Variants in ZNF766 observed in about 807,000 individuals in gnomAD.
The protein encoded by ZNF766 is zinc finger protein 766.
A neutral mutation model predicts 13.2 loss-of-function variants in ZNF766; 13 were observed. That is an observed-to-expected ratio of 0.98 (90% CI 0.64 to 1.56). The LOEUF is 1.56. Among genes scored for constraint, ZNF766 ranks in the 40% most tolerant of loss-of-function variants. The probability of loss-of-function intolerance (pLI) is 0.00; values close to 1 mark genes in which losing one functional copy is unlikely to be tolerated. For synonymous variants in ZNF766, 178 were observed against 187.6 expected, an observed-to-expected ratio of 0.95 and a Z score of 0.42; for missense variants, 521 against 552.2, an observed-to-expected ratio of 0.94 and a Z score of 0.57.
At position 52,276,032 on chromosome 19, in the gene ZNF766, G is replaced by A. The variant is rs976968369; in HGVS notation, c.19-6079G>A. ...ATGTTTTGACTTACGAGTACTTACCGTTGTTACAGTTGACTATAGTATTCA... is the reference window on the plus strand; with the variant it reads ...ATGTTTTGACTTACGAGTACTTACCATTGTTACAGTTGACTATAGTATTCA... On this transcript the variant is annotated intron_variant, in intron 1 of 3. Coordinates refer to ENST00000439461, the MANE Select transcript of ZNF766 (RefSeq NM_001010851.3). Among the ~76,000 whole-genome samples, 9 of 152,106 alleles carry A rather than the reference G, an allele frequency of 5.9e-5. No homozygotes were observed. In the East Asian group the frequency reaches 1.3e-3, roughly 23 times the overall value.
chr19:52,277,742 G>T (rs918023383), intron 1 of ZNF766, among the ~76,000 whole-genome samples: 6 of 151,994 alleles, frequency 3.9e-5, no homozygotes, highest in Non-Finnish European at 5.9e-5. Flanking sequence ...GGAAGAGGCT[G>T]CACTGGGCGT....
intron 1 of ZNF766, among the ~76,000 whole-genome samples, chr19:52,273,395 A>AAT (rs1380724407): frequency 1.3e-5 from 2 of 152,188 alleles, no homozygotes; most frequent in Admixed American, 1.3e-4. Flanking sequence ...CTTTGGAGGT[A>AAT]TGGGAGAGAA....
chr19:52,273,390 G>A (rs1393615473), intron 1 of ZNF766, among the ~76,000 whole-genome samples: 2 of 152,140 alleles, frequency 1.3e-5, no homozygotes, highest in Non-Finnish European at 2.9e-5. Flanking sequence ...AAATTCTTTG[G>A]AGGTATGGGA....
chr19:52,288,021 C>CT, intron 3 of ZNF766: 1 of 423,192 alleles, frequency 2.4e-6, no homozygotes, highest in Non-Finnish European at 4.6e-6. Context: ...TCATTTTTTT[C>CT]TTTTTCTTTT....
chr19:52,288,548 AT>A lies in ZNF766; in HGVS notation c.275-1514del, dbSNP rs1043928546. On this transcript the variant is annotated intron_variant, in intron 3 of 3. Coordinates refer to ENST00000439461, the MANE Select transcript of ZNF766 (RefSeq NM_001010851.3). Reference sequence around the variant, plus strand: ...GTGCCTCACTAATTAAAACTAATTTATTTTATTTTATTTATTTATTTTGTTT... The same window carrying A: ...GTGCCTCACTAATTAAAACTAATTTATTTATTTTATTTATTTATTTTGTTT... Among the ~76,000 whole-genome samples the A allele has an allele frequency of 8.3e-4, 126 of 151,706 alleles. 1 individual carries two copies. Among genetic ancestry groups the A allele is most frequent in the African/African-American group, 2.6e-3 (109 of 41,408 alleles).
chr19:52,288,062 C>T, intron 3 of ZNF766: 3 of 406,784 alleles, frequency 7.4e-6, no homozygotes, highest in Non-Finnish European at 1.4e-5. Context: ...GTTCTGTCGC[C>T]CAGGCTGGAG....
intron 3 of ZNF766, 35 bp downstream of exon 3, chr19:52,283,448 T>C (rs1265555244): frequency 3.2e-5 from 6 of 188,006 alleles, no homozygotes; most frequent in Middle Eastern, 1.2e-3. Flanking sequence ...AAAGCCACAC[T>C]TTTTTTTTTT....
At chr19:52,289,695 C>A (rs984381211) in intron 3 of ZNF766, among the ~76,000 whole-genome samples, 1 of 152,088 alleles carries the variant, frequency 6.6e-6, no homozygotes, top group Non-Finnish European at 1.5e-5. Context: ...TCCAGTTCCT[C>A]CATCAGGGTC....
rs1982270298 is a variant in ZNF766 at position 52,294,463 on chromosome 19, C to G, written c.*3265C>G. 6.6e-6 allele frequency: 1 copy of G among 152,186 alleles called. No homozygotes were observed. Among genetic ancestry groups the G allele is most frequent in the Non-Finnish European group, 1.5e-5 (1 of 68,050 alleles). The allele number at this position is 152,186 out of a possible 1,614,324, so 9.4% of individuals were successfully genotyped here. A position where few individuals can be genotyped will look rare whatever the true frequency, so the allele number is the denominator to read the frequency against. On this transcript the variant is annotated 3_prime_UTR_variant, in exon 4 of 4. Transcript: ENST00000439461. ...AATGTTTACTCCATAATGAGGCTTT[C>G]TGGGGAGAGCAGGGTAGACTTCCCC...
intron 1 of ZNF766, chr19:52,277,147 C>T: frequency 9.3e-7 from 1 of 1,070,180 alleles, no homozygotes; most frequent in Non-Finnish European, 1.1e-6. Context: ...ATATTTTTGA[C>T]ATTCAGGATT....
intron 1 of ZNF766, chr19:52,277,629 A>C: frequency 7.1e-7 from 1 of 1,401,674 alleles, no homozygotes. Flanking sequence ...TCTGAGTCTG[A>C]AGCATCCTGC....
At position 52,283,397 on chromosome 19, in the gene ZNF766, C is replaced by T. The variant is rs775553037; in HGVS notation, c.258C>T (p.Ile86=). 1 of 1,592,338 alleles carries T rather than the reference C, an allele frequency of 6.3e-7. No individual in the cohort carries two copies. Among genetic ancestry groups the T allele is most frequent in the South Asian group, 1.1e-5 (1 of 89,578 alleles). ...VAKNPDRWEG[I]KDINTGRSCA... ...AAAATCCAGATAGGTGGGAAGGTAT[C>T]AAAGATATCAACACAGGTAAGAGCT... The change falls in exon 3 of 4, where the codon ATC becomes ATT. Residue 86 remains isoleucine, a synonymous_variant. Transcript: ENST00000439461.
intron 1 of ZNF766, among the ~76,000 whole-genome samples, chr19:52,270,144 G>T (rs1980912403): frequency 6.6e-6 from 1 of 152,112 alleles, no homozygotes; most frequent in Non-Finnish European, 1.5e-5. Flanking sequence ...GGAGGTGGCC[G>T]GGACCTATCT....
intron 3 of ZNF766, 66 bp from the exon 4 acceptor site, chr19:52,290,000 C>CA (rs1170180059): frequency 7.7e-5 from 117 of 1,510,268 alleles, no homozygotes; most frequent in Admixed American, 1.6e-4. Flanking sequence ...GACTCCAACT[C>CA]AAAAAAAGTG....
chr19:52,271,169 A>T (rs894817585), intron 1 of ZNF766, among the ~76,000 whole-genome samples: 1 of 152,196 alleles, frequency 6.6e-6, no homozygotes, highest in African/African-American at 2.4e-5. Context: ...TATAAAGGTT[A>T]TTACAAAGGA....
Position 52,291,313 on chromosome 19 carries a change from T to A in ZNF766, c.*115T>A. ...ACAGGCTGTATCGAGACCTACCAAATCACTAGACATCGAAACATTCATCTT... is the reference window on the plus strand; with the variant it reads ...ACAGGCTGTATCGAGACCTACCAAAACACTAGACATCGAAACATTCATCTT... On this transcript the variant is annotated 3_prime_UTR_variant, in exon 4 of 4. Transcript: ENST00000439461. 1 of 1,007,058 alleles carries A rather than the reference T, an allele frequency of 9.9e-7. No homozygotes were observed. Among genetic ancestry groups the A allele is most frequent in the South Asian group, 1.8e-5 (1 of 56,686 alleles). The allele number at this position is 1,007,058 out of a possible 1,614,324, so 62.4% of individuals were successfully genotyped here.
At chr19:52,288,057 G>C (rs1600203145) in intron 3 of ZNF766, 4 of 397,640 alleles carry the variant, frequency 1.0e-5, no homozygotes, top group Non-Finnish European at 1.4e-5. Flanking sequence ...GTCCTGTTCT[G>C]TCGCCCAGGC....
intron 1 of ZNF766, among the ~76,000 whole-genome samples, chr19:52,275,011 G>T (rs1169069653): frequency 6.6e-6 from 1 of 152,122 alleles, no homozygotes; most frequent in Non-Finnish European, 1.5e-5. Context: ...TGCATTATCC[G>T]CTCATAAGAA....
rs71254004 is a variant in ZNF766, at chr19:52,286,188, T to TCCCCCCCCC, written c.274+2781_274+2782insCCCCCCCCC. On this transcript the variant is annotated intron_variant, in intron 3 of 3. Coordinates refer to ENST00000439461, the MANE Select transcript of ZNF766 (RefSeq NM_001010851.3). ...GAAAGAAAGAATCCAAGTGGGCTTT[T>TCCCCCCCCC]CCCCCCTAATTATAAAGGAAAAGCC... is the stretch of plus-strand genomic sequence containing the variant. 4.1e-5 allele frequency among the ~76,000 whole-genome samples: 6 copies of TCCCCCCCCC among 146,618 alleles called. No homozygotes were observed. The East Asian group carries it at 6.0e-4, about 15-fold the overall frequency.
Sources: gnomAD v4.1 joint callset for allele counts (sites outside exome capture counted in the v4.1 genomes callset) on GRCh38, gnomAD v4.1.1 for gene constraint, MANE v1.5 for transcripts, NCBI Gene and HGNC (gene_info 2026-07-23, HGNC 2026-07-21) for gene names.